TSPEAR: variants seen among roughly 807,000 people sequenced by gnomAD.
TSPEAR encodes thrombospondin-type laminin G domain and EAR repeat-containing protein.
In TSPEAR, 69 loss-of-function variants were observed where a neutral mutation model predicts 71.6. The observed-to-expected ratio is 0.96, with a 90% CI of 0.79 to 1.18. The LOEUF (loss-of-function observed/expected upper bound fraction) is 1.18. Among genes scored for constraint, TSPEAR ranks in the 50% most tolerant of loss-of-function variants. The pLI, the probability that TSPEAR is intolerant of heterozygous loss-of-function variation, is 0.00. For missense variants in TSPEAR, 971 were observed against 894.9 expected, an observed-to-expected ratio of 1.09 and a Z score of -1.09; for synonymous variants, 402 against 387.2, an observed-to-expected ratio of 1.04 and a Z score of -0.45.
intron 1 of TSPEAR, among the ~76,000 whole-genome samples, chr21:44,661,251 G>A (rs1985476568): frequency 7.4e-6 from 1 of 135,330 alleles, no homozygotes; most frequent in Non-Finnish European, 1.5e-5. Flanking sequence ...CTGCACTCCA[G>A]GCTGGGTGAC....
chr21:44,618,195 T>C (rs1167252316), intron 1 of TSPEAR, among the ~76,000 whole-genome samples: 1 of 152,208 alleles, frequency 6.6e-6, no homozygotes, highest in African/African-American at 2.4e-5. Context: ...CATGCTGTTG[T>C]AGTGATAGTG....
intron 1 of TSPEAR, among the ~76,000 whole-genome samples, chr21:44,667,102 C>T (rs1446026850): frequency 1.3e-5 from 2 of 152,192 alleles, no homozygotes; most frequent in Non-Finnish European, 2.9e-5. Flanking sequence ...ACTAATTGCA[C>T]CTTCTTCGAA....
At chr21:44,500,014 G>A (rs2051998606) in intron 11 of TSPEAR, 78 bp from the exon 12 acceptor site, 2 of 1,443,548 alleles carry the variant, frequency 1.4e-6, no homozygotes, top group Non-Finnish European at 1.8e-6. Context: ...CACCCGCGCT[G>A]TCAGGGACCC....
At chr21:44,634,468 G>T (rs1983430208) in intron 1 of TSPEAR, among the ~76,000 whole-genome samples, 1 of 152,074 alleles carries the variant, frequency 6.6e-6, no homozygotes, top group Admixed American at 6.6e-5. Flanking sequence ...AGCAACAAAA[G>T]GAAAAAATAG....
At chr21:44,641,351 A>T (rs1457114776) in intron 1 of TSPEAR, among the ~76,000 whole-genome samples, 1 of 152,208 alleles carries the variant, frequency 6.6e-6, no homozygotes, top group African/African-American at 2.4e-5. Flanking sequence ...TGAAAGCATG[A>T]CACTCTCAAC....
At chr21:44,538,545 A>G (rs1217084496) in intron 2 of TSPEAR, among the ~76,000 whole-genome samples, 1 of 151,760 alleles carries the variant, frequency 6.6e-6, no homozygotes, top group Non-Finnish European at 1.5e-5. Context: ...GCGCAGGTGC[A>G]GCAGCCCCTC....
chr21:44,592,648 T>G, intron 1 of TSPEAR: 2 of 1,114,386 alleles, frequency 1.8e-6, no homozygotes, highest in Non-Finnish European at 2.5e-6. Context: ...TCGCCCGTGA[T>G]GTGGGCCAGC....
intron 1 of TSPEAR, chr21:44,580,716 C>T (rs1446594853): frequency 2.2e-6 from 2 of 923,036 alleles, no homozygotes; most frequent in Non-Finnish European, 3.3e-6. Context: ...GTGTGTTGTC[C>T]CGACAGGAGG....
chr21:44,627,303 C>G (rs367989613), intron 1 of TSPEAR: 5 of 1,612,670 alleles, frequency 3.1e-6, no homozygotes, highest in Non-Finnish European at 1.7e-6. Context: ...CCTGCCTGAC[C>G]CTGGTCTGCA....
rs4818929 is a variant in TSPEAR, at chr21:44,498,263, T to C, written c.*1520A>G. 1.3e-5 allele frequency: 2 copies of C among 152,232 alleles called. No individual in the cohort carries two copies. Among genetic ancestry groups the C allele is most frequent in the African/African-American group, 2.4e-5 (1 of 41,434 alleles). 9.4% of individuals were successfully genotyped at this position (152,232 alleles called of 1,614,324 possible). A position where few individuals can be genotyped will look rare whatever the true frequency, so the allele number is the denominator to read the frequency against. On this transcript the variant is annotated 3_prime_UTR_variant, in exon 12 of 12. Coordinates refer to ENST00000323084, the MANE Select transcript of TSPEAR (RefSeq NM_144991.3). ...GCTTTTTTCTTCTTGGTTGAGTGAA[T>C]TGGGGTGTCGAGTTTTTAATCTTCC...
At chr21:44,530,803 C>T (rs1472718431) in intron 4 of TSPEAR, among the ~76,000 whole-genome samples, 1 of 152,204 alleles carries the variant, frequency 6.6e-6, no homozygotes, top group African/African-American at 2.4e-5. Context: ...GGCATCAGCT[C>T]AGCATGGTGG....
Position 44,673,095 on chromosome 21 carries a change from C to T in TSPEAR, c.82+38338G>A, listed in dbSNP as rs142775160. Among the ~76,000 whole-genome samples the T allele has an allele frequency of 2.9e-3, 436 of 152,256 alleles. 3 individuals are homozygous for T. Among genetic ancestry groups the T allele is most frequent in the African/African-American group, 0.01 (420 of 41,542 alleles). ...ATTCAAAAAGATCTTTTCCATGGCA[C>T]ATTATAGTCAAACTGTCAAAAGTCA... is the stretch of plus-strand genomic sequence containing the variant. On this transcript the variant is annotated intron_variant, in intron 1 of 11. Coordinates refer to ENST00000323084, the MANE Select transcript of TSPEAR (RefSeq NM_144991.3).
intron 1 of TSPEAR, among the ~76,000 whole-genome samples, chr21:44,631,383 G>A (rs1229369354): frequency 1.3e-5 from 2 of 152,088 alleles, no homozygotes; most frequent in Admixed American, 6.6e-5. Flanking sequence ...TAGAGAACAG[G>A]TAGATAGGTC....
chr21:44,628,922 C>T (rs1555935209), intron 1 of TSPEAR, among the ~76,000 whole-genome samples: 5 of 148,930 alleles, frequency 3.4e-5, no homozygotes. Context: ...TCCAGAGCTC[C>T]CTGTGCTGGG....
intron 1 of TSPEAR, among the ~76,000 whole-genome samples, chr21:44,594,822 A>ATTT (rs34221889): frequency 0.021 from 2,658 of 125,454 alleles, 148 homozygotes; most frequent in African/African-American, 0.07. Flanking sequence ...CGGATCTGTG[A>ATTT]TTTTTTTTTT....
At chr21:44,602,970 T>C (rs1008501195) in intron 1 of TSPEAR, among the ~76,000 whole-genome samples, 1 of 152,146 alleles carries the variant, frequency 6.6e-6, no homozygotes, top group Non-Finnish European at 1.5e-5. Context: ...GACCCCAAGC[T>C]GCCCTTCCCA....
rs587660572 is a variant in TSPEAR, at chr21:44,540,051, G to T, written c.304-6128C>A. ...CAGGGGGCCGGGGCGCAGCAGCTGA[G>T]GGCGCAGCAGTGGGGCTCACAGCAG... On this transcript the variant is annotated intron_variant, in intron 2 of 11. Coordinates refer to ENST00000323084, the MANE Select transcript of TSPEAR (RefSeq NM_144991.3). 3.9e-5 allele frequency: 63 copies of T among 1,613,196 alleles called. No homozygotes were observed. The highest frequency in any genetic ancestry group is 2.7e-4 in the African/African-American group (20 of 74,962).
chr21:44,573,712 T>TCC (rs1555923014), intron 1 of TSPEAR: 1 of 1,586,608 alleles, frequency 6.3e-7, no homozygotes, highest in East Asian at 2.2e-5. Context: ...GCTCACCCAC[T>TCC]CCCTCCCATC....
Position 44,540,854 on chromosome 21 carries a change from T to A in TSPEAR, c.304-6931A>T, listed in dbSNP as rs76653509. ...TGGGAACGCTGGGGATAGGACTGGG[T>A]TTCGGACAGGAAAGAAAAGTTTTGA... On this transcript the variant is annotated intron_variant, in intron 2 of 11. Coordinates refer to ENST00000323084, the MANE Select transcript of TSPEAR (RefSeq NM_144991.3). Among the ~76,000 whole-genome samples, 57 of 152,296 alleles carry A rather than the reference T, an allele frequency of 3.7e-4. 1 individual carries two copies. Among genetic ancestry groups the A allele is most frequent in the African/African-American group, 1.3e-3 (56 of 41,564 alleles).
Sources: allele counts gnomAD v4.1 joint callset (sites outside exome capture counted in the v4.1 genomes callset), GRCh38; gene constraint gnomAD v4.1.1; transcripts MANE v1.5; gene names NCBI Gene and HGNC (gene_info 2026-07-23, HGNC 2026-07-21).